The following CREB5 variants were observed in gnomAD, a reference collection of about 807,000 sequenced individuals.
CREB5 encodes the protein cAMP responsive element binding protein 5, also known as cyclic AMP-responsive element-binding protein 5.
In CREB5, 19 loss-of-function variants were observed where a neutral mutation model predicts 57.1. The observed-to-expected ratio is 0.33, with a 90% CI of 0.23 to 0.49. The LOEUF is 0.49. Ranked by LOEUF, CREB5 falls within the 20% of genes least tolerant of loss-of-function variation. The pLI is 0.99. For synonymous variants in CREB5, 238 were observed against 238.3 expected, an observed-to-expected ratio of 1.00 and a Z score of 0.01; for missense variants, 579 against 671.6, an observed-to-expected ratio of 0.86 and a Z score of 1.52.
intron 5 of CREB5, among the ~76,000 whole-genome samples, chr7:28,601,266 A>G (rs977845578): frequency 6.6e-6 from 1 of 152,098 alleles, no homozygotes; most frequent in Non-Finnish European, 1.5e-5. Context: ...TTCTACAGAC[A>G]TGGAAGATAA....
intron 1 of CREB5, among the ~76,000 whole-genome samples, chr7:28,419,324 C>T (rs1006117690): frequency 1.3e-5 from 2 of 152,220 alleles, no homozygotes; most frequent in African/African-American, 2.4e-5. Flanking sequence ...TAGCCCTTGT[C>T]GTGCCAATGT....
Position 28,507,657 on chromosome 7 carries a change from G to A in CREB5, c.211G>A (p.Glu71Lys), listed in dbSNP as rs1792536213. The A allele has an allele frequency of 6.2e-7, 1 of 1,611,810 alleles. No homozygotes were observed. The highest frequency in any genetic ancestry group is 1.7e-4 in the Middle Eastern group (1 of 6,056). Reference sequence around the variant, plus strand: ...AACGAGATTCCTGAAGAACTGCGAGGAGGTGGGCCTCTTCAGCGAGCTGGA... The same window carrying A: ...AACGAGATTCCTGAAGAACTGCGAGAAGGTGGGCCTCTTCAGCGAGCTGGA... Reference protein sequence around the residue: ...TPTRFLKNCEEVGLFSELDCS... With the variant: ...TPTRFLKNCEKVGLFSELDCS... Residue 71 changes from glutamate (E) to lysine (K), a missense_variant, in exon 4 of 11, where the codon GAG (glutamate) becomes AAG (lysine). This residue lies in a region of CREB5 where 459 missense variants were observed against 515.7 expected (regional missense o/e 0.89). Coordinates refer to ENST00000357727, the MANE Select transcript of CREB5 (RefSeq NM_182898.4).
Position 28,685,664 on chromosome 7 carries a change from T to TC in CREB5, c.465-33088dup, listed in dbSNP as rs1800845163. 5.5e-5 allele frequency among the ~76,000 whole-genome samples: 8 copies of TC among 146,596 alleles called. No individual in the cohort carries two copies. In the South Asian group the frequency reaches 1.7e-3, roughly 32 times the overall value. ...TTCCCTTTCTCCAAACACAGGGCAC[T>TC]CTTTTTTTTTTTTTTTTTTAACCAG... On this transcript the variant is annotated intron_variant, in intron 5 of 10. Transcript: ENST00000357727.
intron 1 of CREB5, among the ~76,000 whole-genome samples, chr7:28,403,573 T>TA (rs1421042711): frequency 3.7e-3 from 564 of 151,358 alleles, no homozygotes; most frequent in African/African-American, 0.012. Flanking sequence ...TTCAGAGAGG[T>TA]AAAAAAAAAT....
At chr7:28,638,614 T>A (rs41314) in intron 5 of CREB5, among the ~76,000 whole-genome samples, 1,792 of 152,270 alleles carry the variant, frequency 0.012, 21 homozygotes, top group African/African-American at 0.041. Flanking sequence ...CCCAAAGTAC[T>A]AGGACTGCAG....
intron 7 of CREB5, among the ~76,000 whole-genome samples, chr7:28,754,966 C>T (rs1583673902): frequency 6.6e-6 from 1 of 152,188 alleles, no homozygotes; most frequent in Non-Finnish European, 1.5e-5. Flanking sequence ...AGCATATAAA[C>T]TCGCATTAAG....
At chr7:28,490,657 A>G (rs1334362251) in intron 2 of CREB5, among the ~76,000 whole-genome samples, 1 of 152,212 alleles carries the variant, frequency 6.6e-6, no homozygotes, top group African/African-American at 2.4e-5. Context: ...GACGTTTAGC[A>G]GTAACCCTGG....
chr7:28,507,711 G>A lies in CREB5; in HGVS notation c.265G>A (p.Ala89Thr), dbSNP rs768663791. The change falls in exon 4 of 11, where the codon GCT (alanine) becomes ACT (threonine). Residue 89 changes from alanine (A) to threonine (T), a missense_variant. This residue lies in a region of CREB5 where 459 missense variants were observed against 515.7 expected (regional missense o/e 0.89). Transcript: ENST00000357727. ...DCSLEHEFRK[A>T]QEEESSKRNI... ...CTCCCTGGAGCACGAGTTCAGGAAG[G>A]CTCAGGAAGAGGAGAGCAGCAAGCG... 1.1e-4 allele frequency: 170 copies of A among 1,608,586 alleles called. No individual in the cohort carries two copies. The highest frequency in any genetic ancestry group is 1.4e-4 in the Non-Finnish European group (159 of 1,175,600).
chr7:28,781,757 G>A (rs555245175), intron 7 of CREB5, among the ~76,000 whole-genome samples: 5 of 139,608 alleles, frequency 3.6e-5, no homozygotes, highest in Non-Finnish European at 6.2e-5. Context: ...ATAGTCTATC[G>A]TTTGGTACAA....
At position 28,809,232 on chromosome 7, in the gene CREB5, C is replaced by A. The variant is rs953041858; in HGVS notation, c.1072C>A (p.Pro358Thr). Residue 358 changes from proline (P) to threonine (T), a missense_variant, in exon 9 of 11, where the codon CCA becomes ACA. Pro to Thr is a conservative substitution (Grantham distance 38). This residue lies in a region of CREB5 where 459 missense variants were observed against 515.7 expected (regional missense o/e 0.89). Coordinates refer to ENST00000357727, the MANE Select transcript of CREB5 (RefSeq NM_182898.4). Reference sequence around the variant, plus strand: ...GATGCAGCCAACCCAGACAATACAGCCACCCCAGCCCACAGGGGGGCGCCG... The same window carrying A: ...GATGCAGCCAACCCAGACAATACAGACACCCCAGCCCACAGGGGGGCGCCG... ...QQMQPTQTIQ[P>T]PQPTGGRRRR... 6.2e-7 allele frequency: 1 copy of A among 1,614,032 alleles called. No homozygotes were observed. Among genetic ancestry groups the A allele is most frequent in the Admixed American group, 1.7e-5 (1 of 60,010 alleles).
At chr7:28,813,627 C>T (rs1809255355) in intron 9 of CREB5, among the ~76,000 whole-genome samples, 2 of 152,200 alleles carry the variant, frequency 1.3e-5, no homozygotes, top group Admixed American at 1.3e-4. Flanking sequence ...GCACAAACTA[C>T]TGCTTACACC....
In CREB5 at chr7:28,751,878, G is replaced by A. The variant is rs1583668488; in HGVS notation, c.702+27546G>A. Among the ~76,000 whole-genome samples, 5 of 152,080 alleles carry A rather than the reference G, an allele frequency of 3.3e-5. No homozygotes were observed. The South Asian group carries it at 6.2e-4, about 19-fold the overall frequency. Reference sequence around the variant, plus strand: ...TCTCCTTAGACTTCCAATCCATGACGATTTCTCAGTCTTCCTTTGTCTTTT... The same window carrying A: ...TCTCCTTAGACTTCCAATCCATGACAATTTCTCAGTCTTCCTTTGTCTTTT... On this transcript the variant is annotated intron_variant, in intron 7 of 10. Coordinates refer to ENST00000357727, the MANE Select transcript of CREB5 (RefSeq NM_182898.4).
At chr7:28,729,227 G>A (rs927348372) in intron 7 of CREB5, among the ~76,000 whole-genome samples, 5 of 152,108 alleles carry the variant, frequency 3.3e-5, no homozygotes, top group Non-Finnish European at 5.9e-5. Flanking sequence ...TGAGGACACC[G>A]AGGCCCACTA....
At chr7:28,695,933 A>G (rs996959857) in intron 5 of CREB5, among the ~76,000 whole-genome samples, 1 of 124,712 alleles carries the variant, frequency 8.0e-6, no homozygotes, top group Non-Finnish European at 1.7e-5. Flanking sequence ...TCACTTCATT[A>G]TGATTCTGAA....
At chr7:28,771,091 T>C (rs1040195077) in intron 7 of CREB5, among the ~76,000 whole-genome samples, 2 of 152,198 alleles carry the variant, frequency 1.3e-5, no homozygotes, top group African/African-American at 4.8e-5. Context: ...AAGTATGAAA[T>C]AGTGGTAGAG....
chr7:28,507,101 T>C (rs1045712511), intron 3 of CREB5, among the ~76,000 whole-genome samples: 1 of 152,238 alleles, frequency 6.6e-6, no homozygotes, highest in Non-Finnish European at 1.5e-5. Context: ...ACAGAATTGT[T>C]AAGTTTTCTT....
intron 1 of CREB5, among the ~76,000 whole-genome samples, chr7:28,369,069 C>CAA (rs1439452959): frequency 2.0e-5 from 3 of 151,972 alleles, no homozygotes; most frequent in Non-Finnish European, 4.4e-5. Context: ...AACAAACAAA[C>CAA]AAACAAAATA....
Position 28,825,326 on chromosome 7 carries a change from G to A in CREB5, c.*6047G>A, listed in dbSNP as rs1810000667. ...TCTGCCTCATAGAGAAAGGAATGTTGCCTTTGAGAACTGTCTTGGAGAACA... is the reference window on the plus strand; with the variant it reads ...TCTGCCTCATAGAGAAAGGAATGTTACCTTTGAGAACTGTCTTGGAGAACA... On this transcript the variant is annotated 3_prime_UTR_variant, in exon 11 of 11. Coordinates refer to ENST00000357727, the MANE Select transcript of CREB5 (RefSeq NM_182898.4). The A allele has an allele frequency of 6.6e-6, 1 of 152,264 alleles. No homozygotes were observed. The allele number at this position is 152,264 out of a possible 1,614,324, so 9.4% of individuals were successfully genotyped here.
At chr7:28,597,753 T>C (rs773042773) in intron 5 of CREB5, among the ~76,000 whole-genome samples, 14 of 152,166 alleles carry the variant, frequency 9.2e-5, no homozygotes, top group Non-Finnish European at 5.9e-5. Context: ...GCTGAATCTT[T>C]CTGGGTTCAC....
Sources: gnomAD v4.1 joint callset for allele counts (sites outside exome capture counted in the v4.1 genomes callset) on GRCh38, gnomAD v4.1.1 for gene constraint, gnomAD v4.1.1 regional missense constraint, MANE v1.5 for transcripts, NCBI Gene and HGNC (gene_info 2026-07-23, HGNC 2026-07-21) for gene names.